Variants in SPOPL observed in about 807,000 individuals in gnomAD.
SPOPL encodes the protein speckle type BTB/POZ protein like.
SPOPL carries 23 observed loss-of-function variants against 53.8 expected under a neutral mutation model. The observed-to-expected ratio is 0.43, with a 90% CI of 0.31 to 0.61. SPOPL has a LOEUF of 0.61. Ranked by LOEUF, SPOPL falls within the 20% of genes least tolerant of loss-of-function variation. The probability of loss-of-function intolerance (pLI) is 0.12; values close to 1 mark genes in which losing one functional copy is unlikely to be tolerated. For missense variants in SPOPL, 442 were observed against 466.9 expected, an observed-to-expected ratio of 0.95 and a Z score of 0.49; for synonymous variants, 164 against 149.7, an observed-to-expected ratio of 1.10 and a Z score of -0.70.
intron 1 of SPOPL, among the ~76,000 whole-genome samples, chr2:138,504,015 C>T (rs1279691510): frequency 3.9e-5 from 6 of 152,090 alleles, no homozygotes; most frequent in African/African-American, 1.2e-4. Flanking sequence ...TATTTGCTTA[C>T]CTCTTGTGCA....
At position 138,528,989 on chromosome 2, in the gene SPOPL, A is replaced by G. The variant is rs143079332; in HGVS notation, c.-60-21168A>G. Reference sequence around the variant, plus strand: ...AAACCTTTAGAAAAAATCTGTTCTCATCGTTTTTAAATTGCCTCTCTTCAG... The same window carrying G: ...AAACCTTTAGAAAAAATCTGTTCTCGTCGTTTTTAAATTGCCTCTCTTCAG... On this transcript the variant is annotated intron_variant, in intron 1 of 10. Transcript: ENST00000280098. Among the ~76,000 whole-genome samples the G allele has an allele frequency of 1.5e-4, 23 of 152,326 alleles. No homozygotes were observed. In the East Asian group the frequency reaches 4.4e-3, roughly 29 times the overall value.
At chr2:138,557,128 C>T (rs1299881439) in intron 5 of SPOPL, among the ~76,000 whole-genome samples, 1 of 152,000 alleles carries the variant, frequency 6.6e-6, no homozygotes, top group Non-Finnish European at 1.5e-5. Context: ...TGCACTCCAG[C>T]CTGGGCGACA....
At chr2:138,512,159 TAATG>T (rs1393313597) in intron 1 of SPOPL, among the ~76,000 whole-genome samples, 4 of 152,212 alleles carry the variant, frequency 2.6e-5, no homozygotes, top group African/African-American at 4.8e-5. Context: ...TTTGTGCACA[TAATG>T]AATATTAAAA....
chr2:138,547,804 T>G (rs920251951), intron 1 of SPOPL, among the ~76,000 whole-genome samples: 2 of 152,150 alleles, frequency 1.3e-5, no homozygotes, highest in Non-Finnish European at 2.9e-5. Context: ...TGTTTTTCTT[T>G]ATGCACCAGT....
chr2:138,547,745 G>A (rs1474260), intron 1 of SPOPL, among the ~76,000 whole-genome samples: 22,705 of 151,948 alleles, frequency 0.15, 1,930 homozygotes, highest in African/African-American at 0.23. Flanking sequence ...TGTATTTGAC[G>A]TTATCACTGA....
At chr2:138,512,675 C>T (rs1452946789) in intron 1 of SPOPL, among the ~76,000 whole-genome samples, 1 of 152,152 alleles carries the variant, frequency 6.6e-6, no homozygotes, top group Non-Finnish European at 1.5e-5. Flanking sequence ...TTAAGACCTT[C>T]CTTTGAACTT....
At chr2:138,565,100 G>T in intron 10 of SPOPL, 107 bp downstream of exon 10, 3 of 1,340,732 alleles carry the variant, frequency 2.2e-6, no homozygotes, top group Non-Finnish European at 2.1e-6. Context: ...AATGTTACAT[G>T]AAGCAAACTG....
intron 1 of SPOPL, among the ~76,000 whole-genome samples, chr2:138,547,280 T>C (rs1485077196): frequency 1.3e-5 from 2 of 152,230 alleles, no homozygotes; most frequent in African/African-American, 4.8e-5. Context: ...TTTGCTTTTA[T>C]ATATGAATTA....
chr2:138,545,748 G>A (rs1433704127), intron 1 of SPOPL, among the ~76,000 whole-genome samples: 1 of 152,076 alleles, frequency 6.6e-6, no homozygotes, highest in Non-Finnish European at 1.5e-5. Context: ...CAGCTGTTAA[G>A]TTTTTGATTC....
chr2:138,561,506 T>A (rs1259642883), intron 8 of SPOPL, among the ~76,000 whole-genome samples: 2 of 152,192 alleles, frequency 1.3e-5, no homozygotes, highest in African/African-American at 4.8e-5. Flanking sequence ...TGTATGTATG[T>A]ATATATGTAC....
Position 138,559,216 on chromosome 2 carries a change from G to C in SPOPL, c.658+17G>C. ...TGCTTGCAGGTACTTTCTAGTTATG[G>C]GGTAATATAGTACATTTAAAAAAAT... On this transcript the variant is annotated intron_variant, in intron 6 of 10. Transcript: ENST00000280098. 1 of 1,611,940 alleles carries C rather than the reference G, an allele frequency of 6.2e-7. No individual in the cohort carries two copies. Among genetic ancestry groups the C allele is most frequent in the Non-Finnish European group, 8.5e-7 (1 of 1,179,090 alleles).
In SPOPL at chr2:138,562,928, A is replaced by G. The variant is rs775886099; in HGVS notation, c.838-1780A>G. On this transcript the variant is annotated intron_variant, in intron 8 of 10. Coordinates refer to ENST00000280098, the MANE Select transcript of SPOPL (RefSeq NM_001001664.3). ...TGACACCAAAAATTCTGTAAAAGAA[A>G]AAAAATGATAAAATAGACTTCAATA... Among the ~76,000 whole-genome samples, 6 of 152,300 alleles carry G rather than the reference A, an allele frequency of 3.9e-5. No homozygotes were observed. In the South Asian group the frequency reaches 1.2e-3, roughly 32 times the overall value.
Position 138,564,764 on chromosome 2 carries a change from A to G in SPOPL, c.894A>G (p.Ser298=), listed in dbSNP as rs1308342505. ...AAGAAGCTTTGTGTAGTAACCTCTC[A>G]GTAGAGAATGTTGCAGATACCCTTG... ...MCEEALCSNL[S]VENVADTLVL... Residue 298 remains serine, a synonymous_variant, in exon 9 of 11, where the codon TCA becomes TCG. Transcript: ENST00000280098. The G allele has an allele frequency of 1.2e-6, 2 of 1,614,154 alleles. No homozygotes were observed. The highest frequency in any genetic ancestry group is 2.2e-5 in the East Asian group (1 of 44,874).
In SPOPL at chr2:138,551,358, T is replaced by C. The variant is rs1685309926; in HGVS notation, c.352+304T>C. ...GGTGCCTGGTTCAGTGCTTGGCATATATAATACGTGCTCAGGAAGCATTTC... is the reference window on the plus strand; with the variant it reads ...GGTGCCTGGTTCAGTGCTTGGCATACATAATACGTGCTCAGGAAGCATTTC... On this transcript the variant is annotated intron_variant, in intron 4 of 10. Transcript: ENST00000280098. Among the ~76,000 whole-genome samples, 5 of 152,162 alleles carry C rather than the reference T, an allele frequency of 3.3e-5. No homozygotes were observed. The South Asian group carries it at 8.3e-4, about 25-fold the overall frequency.
rs933611170 is a variant in SPOPL at position 138,501,920 on chromosome 2, A to C, written c.-260A>C. 1 of 152,026 alleles carries C rather than the reference A, an allele frequency of 6.6e-6. No individual in the cohort carries two copies. Among genetic ancestry groups the C allele is most frequent in the East Asian group, 1.9e-4 (1 of 5,166 alleles). 9.4% of individuals were successfully genotyped at this position (152,026 alleles called of 1,614,324 possible). A position where few individuals can be genotyped will look rare whatever the true frequency, so the allele number is the denominator to read the frequency against. On this transcript the variant is annotated 5_prime_UTR_variant, in exon 1 of 11. Coordinates refer to ENST00000280098, the MANE Select transcript of SPOPL (RefSeq NM_001001664.3). ...GCGGGTTTGTTTATCCCGGGGAAGA[A>C]GTTTAGGAGCGGGAGATAGGGAAGG... is the stretch of plus-strand genomic sequence containing the variant.
intron 5 of SPOPL, 105 bp from the exon 6 acceptor site, chr2:138,558,917 G>A (rs1573906547): frequency 1.1e-6 from 1 of 897,640 alleles, no homozygotes; most frequent in East Asian, 3.0e-5. Flanking sequence ...GGAGTACATT[G>A]AATTATCCAA....
intron 1 of SPOPL, among the ~76,000 whole-genome samples, chr2:138,513,612 C>T (rs959932065): frequency 1.3e-5 from 2 of 151,774 alleles, no homozygotes; most frequent in African/African-American, 2.4e-5. Flanking sequence ...TTGTGGTGCA[C>T]GCCTGTAGTC....
intron 1 of SPOPL, among the ~76,000 whole-genome samples, chr2:138,503,763 T>TCTG (rs1274501975): frequency 1.3e-5 from 2 of 152,168 alleles, no homozygotes; most frequent in African/African-American, 2.4e-5. Flanking sequence ...TACTGGAAAA[T>TCTG]GAGATTTTAC....
At chr2:138,562,400 T>G (rs1165895582) in intron 8 of SPOPL, among the ~76,000 whole-genome samples, 1 of 152,154 alleles carries the variant, frequency 6.6e-6, no homozygotes, top group Non-Finnish European at 1.5e-5. Flanking sequence ...TTGACAAAAG[T>G]GCAAAGACAG....
Sources: gnomAD v4.1 joint callset for allele counts (sites outside exome capture counted in the v4.1 genomes callset) on GRCh38, gnomAD v4.1.1 for gene constraint, MANE v1.5 for transcripts, NCBI Gene and HGNC (gene_info 2026-07-23, HGNC 2026-07-21) for gene names.